The following ATP1B3 variants were observed in gnomAD, a reference collection of about 807,000 sequenced individuals.
The protein encoded by ATP1B3 is ATPase Na+/K+ transporting subunit beta 3, also known as sodium/potassium-transporting ATPase subunit beta-3.
A neutral mutation model predicts 30.2 loss-of-function variants in ATP1B3; 10 were observed. The ratio of observed to expected loss-of-function variants is 0.33; its 90% CI spans 0.20 to 0.56. The LOEUF (loss-of-function observed/expected upper bound fraction) is 0.56. Among genes scored for constraint, ATP1B3 ranks in the 20% least tolerant of loss-of-function variants. The probability of loss-of-function intolerance (pLI) is 0.90; values close to 1 mark genes in which losing one functional copy is unlikely to be tolerated. For missense variants in ATP1B3, 238 were observed against 336.7 expected (o/e 0.71, Z 2.29); for synonymous variants, 113 against 117.0 (o/e 0.97, Z 0.22).
chr3:141,879,789 AC>A (rs1933686248), intron 1 of ATP1B3, among the ~76,000 whole-genome samples: 1 of 139,042 alleles, frequency 7.2e-6, no homozygotes, highest in Admixed American at 7.2e-5. Context: ...AAAAAAAAAA[AC>A]CTTACAGTTT....
intron 3 of ATP1B3, 87 bp downstream of exon 3, chr3:141,907,361 T>C: frequency 1.0e-6 from 1 of 995,122 alleles, no homozygotes; most frequent in South Asian, 1.6e-5. Context: ...AGCTCACGCC[T>C]GTAATCCCAG....
chr3:141,912,010 A>G (rs1431539413), intron 3 of ATP1B3, among the ~76,000 whole-genome samples: 1 of 152,198 alleles, frequency 6.6e-6, no homozygotes, highest in African/African-American at 2.4e-5. Context: ...TATGCAGTAG[A>G]AGCCCTTGGG....
intron 4 of ATP1B3, 64 bp from the exon 5 acceptor site, chr3:141,915,904 CAG>C: frequency 7.7e-7 from 1 of 1,292,550 alleles, no homozygotes; most frequent in South Asian, 1.4e-5. Context: ...TTCCCAGCAA[CAG>C]AGGGAGGAAG....
chr3:141,877,130 CA>C (rs1324233294), intron 1 of ATP1B3, among the ~76,000 whole-genome samples: 1 of 150,732 alleles, frequency 6.6e-6, no homozygotes, highest in Non-Finnish European at 1.5e-5. Context: ...GGCCCGCGGG[CA>C]GCCCGGCCGG....
At chr3:141,904,931 G>A (rs1173057684) in intron 2 of ATP1B3, among the ~76,000 whole-genome samples, 3 of 151,664 alleles carry the variant, frequency 2.0e-5, no homozygotes, top group East Asian at 1.9e-4. Context: ...GGCTGGTCTC[G>A]AACTCCTGAC....
At chr3:141,895,786 C>G (rs910163812) in intron 1 of ATP1B3, among the ~76,000 whole-genome samples, 4 of 152,086 alleles carry the variant, frequency 2.6e-5, no homozygotes, top group African/African-American at 9.7e-5. Context: ...AATTGTCAAA[C>G]TTTTCTTTTT....
Position 141,897,837 on chromosome 3 carries a change from G to A in ATP1B3, c.110-5783G>A, listed in dbSNP as rs137946455. 1.2e-4 allele frequency among the ~76,000 whole-genome samples: 19 copies of A among 152,248 alleles called. No individual in the cohort carries two copies. In the East Asian group the frequency reaches 3.7e-3, roughly 29 times the overall value. On this transcript the variant is annotated intron_variant, in intron 1 of 6. Coordinates refer to ENST00000286371, the MANE Select transcript of ATP1B3 (RefSeq NM_001679.4). The stretch of plus-strand genomic sequence containing the variant: ...CGATTCTCCCACCTCAGCCTCCTAA[G>A]TAGCTAGGATTACAGGTACATGCTA...
At chr3:141,899,855 G>A (rs1462025785) in intron 1 of ATP1B3, among the ~76,000 whole-genome samples, 2 of 152,010 alleles carry the variant, frequency 1.3e-5, no homozygotes, top group African/African-American at 4.8e-5. Context: ...GGCAACAAGA[G>A]AGAAACTCCA....
At chr3:141,901,272 G>A (rs1328057007) in intron 1 of ATP1B3, among the ~76,000 whole-genome samples, 5 of 152,140 alleles carry the variant, frequency 3.3e-5, no homozygotes, top group Admixed American at 3.3e-4. Flanking sequence ...AAGTCAGGAC[G>A]CCGCCATTTA....
chr3:141,917,930 G>A (rs1010667326), intron 5 of ATP1B3, among the ~76,000 whole-genome samples: 1 of 151,712 alleles, frequency 6.6e-6, no homozygotes, highest in Non-Finnish European at 1.5e-5. Context: ...ACCACGCCCG[G>A]CTAATTTTTT....
chr3:141,904,703 C>CTGTTTTTTTT (rs1934231335), intron 2 of ATP1B3, among the ~76,000 whole-genome samples: 1 of 89,376 alleles, frequency 1.1e-5, no homozygotes, highest in Non-Finnish European at 2.1e-5. Context: ...TTTAAACAGT[C>CTGTTTTTTTT]TTTTTTTTTT....
chr3:141,899,841 C>T (rs1934129704), intron 1 of ATP1B3, among the ~76,000 whole-genome samples: 1 of 152,080 alleles, frequency 6.6e-6, no homozygotes, highest in Admixed American at 6.6e-5. Flanking sequence ...TGCACTCCAG[C>T]CTAGGCAACA....
At chr3:141,922,627 T>A (rs181388972) in intron 6 of ATP1B3, among the ~76,000 whole-genome samples, 57 of 149,724 alleles carry the variant, frequency 3.8e-4, no homozygotes, top group African/African-American at 1.3e-3. Flanking sequence ...CACTCCAGGT[T>A]GGGTGACAGA....
chr3:141,895,313 C>A (rs1009593352), intron 1 of ATP1B3, among the ~76,000 whole-genome samples: 5 of 151,682 alleles, frequency 3.3e-5, no homozygotes, highest in Middle Eastern at 6.8e-3. Context: ...CTCAGCCTCC[C>A]GAGTAGCTAG....
At chr3:141,881,264 AT>A (rs1464895624) in intron 1 of ATP1B3, among the ~76,000 whole-genome samples, 17 of 152,116 alleles carry the variant, frequency 1.1e-4, no homozygotes, top group South Asian at 8.3e-4. Context: ...ATTTAATAAC[AT>A]CTACTTGTGA....
chr3:141,881,127 C>T (rs970411006), intron 1 of ATP1B3, among the ~76,000 whole-genome samples: 2 of 150,328 alleles, frequency 1.3e-5, no homozygotes, highest in South Asian at 2.1e-4. Flanking sequence ...TGCTTGAACC[C>T]GGGAGGTGGA....
At chr3:141,896,056 A>G (rs1234171258) in intron 1 of ATP1B3, among the ~76,000 whole-genome samples, 1 of 152,156 alleles carries the variant, frequency 6.6e-6, no homozygotes, top group Non-Finnish European at 1.5e-5. Flanking sequence ...GCCTGCTTCA[A>G]AAAATGTGTC....
chr3:141,897,217 C>T (rs6440047), intron 1 of ATP1B3, among the ~76,000 whole-genome samples: 90,638 of 152,062 alleles, frequency 0.6, 28,531 homozygotes, highest in African/African-American at 0.81. Context: ...GCTCCCTCCT[C>T]CTCTCCATCT....
intron 5 of ATP1B3, among the ~76,000 whole-genome samples, chr3:141,919,386 G>A (rs1238291739): frequency 6.6e-6 from 1 of 151,624 alleles, no homozygotes; most frequent in African/African-American, 2.4e-5. Flanking sequence ...GAAAATGCTG[G>A]AATTACAGGT....
Sources: gnomAD v4.1 joint callset for allele counts (sites outside exome capture counted in the v4.1 genomes callset) on GRCh38, gnomAD v4.1.1 for gene constraint, MANE v1.5 for transcripts, NCBI Gene and HGNC (gene_info 2026-07-23, HGNC 2026-07-21) for gene names.